The following EYS variants were observed in gnomAD, a reference collection of about 807,000 sequenced individuals.
The protein encoded by EYS is EGF-like photoreceptor maintenance factor.
EYS carries 250 observed loss-of-function variants against 282.1 expected under a neutral mutation model. That is an observed-to-expected ratio of 0.89 (90% CI 0.80 to 0.98). The LOEUF (loss-of-function observed/expected upper bound fraction) is 0.98. Ranked by LOEUF, EYS falls within the 50% of genes least tolerant of loss-of-function variation. EYS has a pLI of 0.00. For missense variants in EYS, 4,016 were observed against 3,709.0 expected, an observed-to-expected ratio of 1.08 and a Z score of -2.15; for synonymous variants, 1,355 against 1,282.9, an observed-to-expected ratio of 1.06 and a Z score of -1.20.
At chr6:64,262,862 G>T (rs987040) in intron 30 of EYS, among the ~76,000 whole-genome samples, 101,822 of 151,748 alleles carry the variant, frequency 0.67, 34,205 homozygotes, top group Non-Finnish European at 0.71. Context: ...TCTTTTGTTA[G>T]GTTTACACAA....
chr6:64,179,399 C>T (rs554204481), intron 31 of EYS, among the ~76,000 whole-genome samples: 1 of 152,052 alleles, frequency 6.6e-6, no homozygotes, highest in South Asian at 2.1e-4. Context: ...TATAAACCAC[C>T]AAAGTAACTT....
At position 64,553,553 on chromosome 6, in the gene EYS, C is replaced by G. The variant is rs867268193; in HGVS notation, c.5644+36670G>C. On this transcript the variant is annotated intron_variant, in intron 26 of 42. Coordinates refer to ENST00000503581, the MANE Select transcript of EYS (RefSeq NM_001142800.2). Reference sequence around the variant, plus strand: ...TCTGTGACTTTTGTTTGACCCCCCCCCCCCCATAGGCAGTTACAAGGCAAA... The same window carrying G: ...TCTGTGACTTTTGTTTGACCCCCCCGCCCCCATAGGCAGTTACAAGGCAAA... Among the ~76,000 whole-genome samples the G allele has an allele frequency of 2.1e-4, 28 of 134,198 alleles. 5 individuals carry two copies. The highest frequency in any genetic ancestry group is 5.4e-4 in the Admixed American group (7 of 12,882). 88.0% of individuals were successfully genotyped at this position (134,198 alleles called of 152,430 possible).
intron 12 of EYS, among the ~76,000 whole-genome samples, chr6:65,135,736 C>T (rs1035151817): frequency 3.3e-5 from 5 of 151,552 alleles, no homozygotes; most frequent in African/African-American, 7.3e-5. Context: ...TTTGTGATTT[C>T]GTTTGATATG....
intron 30 of EYS, among the ~76,000 whole-genome samples, chr6:64,300,683 G>A (rs183833399): frequency 9.9e-5 from 15 of 152,246 alleles, no homozygotes; most frequent in East Asian, 1.9e-4. Context: ...CATGACCTAC[G>A]TGCTATTAAT....
At chr6:64,374,572 C>A (rs1382627141) in intron 29 of EYS, among the ~76,000 whole-genome samples, 1 of 152,070 alleles carries the variant, frequency 6.6e-6, no homozygotes, top group African/African-American at 2.4e-5. Context: ...TAGGCGGGTG[C>A]CCAGCTTTGC....
At chr6:63,984,090 G>A (rs974322301) in intron 35 of EYS, among the ~76,000 whole-genome samples, 1 of 151,530 alleles carries the variant, frequency 6.6e-6, no homozygotes, top group Admixed American at 6.6e-5. Context: ...TTTACAAGAA[G>A]CTGGAACACC....
At chr6:64,077,730 A>C (rs1771820731) in intron 32 of EYS, among the ~76,000 whole-genome samples, 1 of 152,010 alleles carries the variant, frequency 6.6e-6, no homozygotes, top group South Asian at 2.1e-4. Context: ...ACTGCATGGT[A>C]ATATATCCCA....
At chr6:64,259,650 G>GCGCACACACACA (rs140354088) in intron 30 of EYS, among the ~76,000 whole-genome samples, 161 of 145,710 alleles carry the variant, frequency 1.1e-3, no homozygotes, top group African/African-American at 2.8e-3. Context: ...TTACACACGC[G>GCGCACACACACA]CACACACACA....
chr6:65,330,682 A>C (rs1442424248), intron 11 of EYS: 1 of 938,384 alleles, frequency 1.1e-6, no homozygotes, highest in East Asian at 1.2e-4. Flanking sequence ...CAACATTATT[A>C]GTGTCTATCA....
intron 41 of EYS, among the ~76,000 whole-genome samples, chr6:63,755,000 GT>G (rs1400764017): frequency 1.3e-5 from 2 of 152,122 alleles, no homozygotes; most frequent in Non-Finnish European, 2.9e-5. Context: ...TTTATGAAGT[GT>G]CTGTTCATTT....
At chr6:63,970,603 C>T (rs1582054246) in intron 35 of EYS, among the ~76,000 whole-genome samples, 1 of 150,632 alleles carries the variant, frequency 6.6e-6, no homozygotes, top group East Asian at 2.0e-4. Flanking sequence ...CCGCTGCACT[C>T]CAGCCTGGGG....
intron 35 of EYS, among the ~76,000 whole-genome samples, chr6:63,895,258 G>A (rs936218565): frequency 1.3e-5 from 2 of 150,486 alleles, no homozygotes; most frequent in Non-Finnish European, 3.0e-5. Context: ...TTTTTTTTCA[G>A]TTGTTAAATC....
chr6:64,822,560 ATTATCT>A lies in EYS; in HGVS notation c.3164+85_3164+90del, dbSNP rs1487326522. On this transcript the variant is annotated intron_variant, in intron 20 of 42. Transcript: ENST00000503581. Reference sequence around the variant, plus strand: ...TGTTTTATGAAAGAGCATAATTAAAATTATCTTTATCAACTTTCCCTTGATGTTAAG... The same window carrying A: ...TGTTTTATGAAAGAGCATAATTAAAATTATCAACTTTCCCTTGATGTTAAG... The A allele has an allele frequency of 7.3e-6, 8 of 1,101,358 alleles. No homozygotes were observed. In the East Asian group the frequency reaches 2.2e-4, roughly 30 times the overall value. 68.2% of individuals were successfully genotyped at this position (1,101,358 alleles called of 1,614,324 possible).
chr6:63,899,905 A>G (rs1236112729), intron 35 of EYS, among the ~76,000 whole-genome samples: 2 of 152,234 alleles, frequency 1.3e-5, no homozygotes, highest in East Asian at 3.8e-4. Context: ...TTCAGTAACA[A>G]AGGAAAGAGG....
intron 35 of EYS, among the ~76,000 whole-genome samples, chr6:63,939,758 A>G (rs2149757134): frequency 6.6e-6 from 1 of 152,362 alleles, no homozygotes; most frequent in East Asian, 1.9e-4. Flanking sequence ...ATATGTAGAT[A>G]CATCTATTTT....
At chr6:64,690,828 C>T (rs976315240) in intron 22 of EYS, among the ~76,000 whole-genome samples, 1 of 151,132 alleles carries the variant, frequency 6.6e-6, no homozygotes, top group African/African-American at 2.4e-5. Flanking sequence ...GGGGCCTGTC[C>T]TGGGGTGGGG....
intron 22 of EYS, among the ~76,000 whole-genome samples, chr6:64,687,744 T>C (rs1456674439): frequency 2.0e-5 from 3 of 152,248 alleles, no homozygotes; most frequent in Non-Finnish European, 4.4e-5. Context: ...TAAAATGAGT[T>C]AGGGAGGATT....
At chr6:64,680,725 T>C (rs1358175788) in intron 22 of EYS, among the ~76,000 whole-genome samples, 1 of 152,160 alleles carries the variant, frequency 6.6e-6, no homozygotes, top group East Asian at 1.9e-4. Flanking sequence ...GGAGACCGAT[T>C]ACCTTAGCCC....
chr6:63,818,841 G>GTGTGGCCC (rs1554172788), intron 36 of EYS, among the ~76,000 whole-genome samples: 2 of 152,134 alleles, frequency 1.3e-5, no homozygotes, highest in Non-Finnish European at 2.9e-5. Context: ...GGAAACCTCC[G>GTGTGGCCC]TGTGGCCCTG....
Sources: gnomAD v4.1 joint callset for allele counts (sites outside exome capture counted in the v4.1 genomes callset) on GRCh38, gnomAD v4.1.1 for gene constraint, MANE v1.5 for transcripts, NCBI Gene and HGNC (gene_info 2026-07-23, HGNC 2026-07-21) for gene names.